The following RIMS1 variants were observed in gnomAD, a reference collection of about 807,000 sequenced individuals.
RIMS1 encodes regulating synaptic membrane exocytosis 1.
In RIMS1, 83 loss-of-function variants were observed where a neutral mutation model predicts 214.1. The observed-to-expected ratio is 0.39, with a 90% CI of 0.32 to 0.47. RIMS1 has a LOEUF of 0.47. Ranked by LOEUF, RIMS1 falls within the 20% of genes least tolerant of loss-of-function variation. The pLI is 0.99. For synonymous variants in RIMS1, 793 were observed against 786.8 expected, an observed-to-expected ratio of 1.01 and a Z score of -0.13; for missense variants, 2,050 against 2,161.8, an observed-to-expected ratio of 0.95 and a Z score of 1.03.
intron 29 of RIMS1, among the ~76,000 whole-genome samples, chr6:72,364,419 G>T (rs542757830): frequency 5.3e-5 from 8 of 152,138 alleles, no homozygotes; most frequent in Non-Finnish European, 8.8e-5. Flanking sequence ...TGCAGTCCCC[G>T]CATGCTACCT....
intron 1 of RIMS1, among the ~76,000 whole-genome samples, chr6:71,951,372 G>A (rs1789454128): frequency 2.0e-5 from 3 of 151,874 alleles, no homozygotes; most frequent in African/African-American, 4.8e-5. Flanking sequence ...TAATAATGAC[G>A]ACATTCACTC....
intron 4 of RIMS1, 97 bp downstream of exon 4, chr6:72,100,083 C>T (rs144273575): frequency 1.6e-5 from 16 of 969,996 alleles, no homozygotes; most frequent in Non-Finnish European, 2.2e-5. Flanking sequence ...AACTATATTT[C>T]ACAAGAAATT....
At chr6:72,317,978 C>T (rs2095905056) in intron 28 of RIMS1, among the ~76,000 whole-genome samples, 1 of 152,054 alleles carries the variant, frequency 6.6e-6, no homozygotes. Context: ...TGTAATAAAT[C>T]TCTTTATTCC....
chr6:72,305,012 T>C (rs138483774), intron 26 of RIMS1, among the ~76,000 whole-genome samples: 136 of 152,068 alleles, frequency 8.9e-4, no homozygotes, highest in African/African-American at 3.1e-3. Flanking sequence ...TGGGAGTAAA[T>C]ATAGTATAGT....
chr6:72,181,799 G>A (rs1588663093), intron 5 of RIMS1, among the ~76,000 whole-genome samples: 2 of 152,114 alleles, frequency 1.3e-5, no homozygotes, highest in African/African-American at 4.8e-5. Context: ...GTACTGTCAA[G>A]GAGTTAGAAA....
intron 3 of RIMS1, among the ~76,000 whole-genome samples, chr6:72,098,218 A>G (rs1440042531): frequency 1.3e-5 from 2 of 152,136 alleles, no homozygotes; most frequent in Non-Finnish European, 2.9e-5. Context: ...TTAGTAGTCT[A>G]GTTGAGTTAC....
At chr6:72,258,040 C>G in intron 16 of RIMS1, 85 bp from the exon 17 acceptor site, 1 of 1,250,844 alleles carries the variant, frequency 8.0e-7, no homozygotes. Context: ...TCAATGGCTG[C>G]TTTAGAATAA....
At position 71,992,414 on chromosome 6, in the gene RIMS1, C is replaced by CT. The variant is rs934351955; in HGVS notation, c.245+23354dup. ...TTTCTTTCTCTCTCTCTCTTTCTTT[C>CT]TTTCTTTCTTTCTTTCTTTCTTTCT... is the stretch of plus-strand genomic sequence containing the variant. On this transcript the variant is annotated intron_variant, in intron 2 of 33. Transcript: ENST00000521978. Among the ~76,000 whole-genome samples the CT allele has an allele frequency of 6.9e-5, 5 of 72,552 alleles. No homozygotes were observed. In the Admixed American group the frequency reaches 8.0e-4, roughly 12 times the overall value. 47.6% of individuals were successfully genotyped at this position (72,552 alleles called of 152,430 possible). A position where few individuals can be genotyped will look rare whatever the true frequency, so the allele number is the denominator to read the frequency against.
chr6:72,170,430 G>A (rs534002389), intron 4 of RIMS1, among the ~76,000 whole-genome samples: 60 of 152,010 alleles, frequency 3.9e-4, no homozygotes, highest in Non-Finnish European at 7.4e-4. Flanking sequence ...TGCAACCTCT[G>A]CCTCCCAGGT....
At chr6:72,011,571 A>G (rs1329551963) in intron 2 of RIMS1, among the ~76,000 whole-genome samples, 1 of 152,174 alleles carries the variant, frequency 6.6e-6, no homozygotes, top group Non-Finnish European at 1.5e-5. Flanking sequence ...AATTTTTGCA[A>G]TCTACTCATC....
intron 6 of RIMS1, among the ~76,000 whole-genome samples, chr6:72,185,000 A>G (rs919638593): frequency 1.3e-5 from 2 of 152,226 alleles, no homozygotes; most frequent in African/African-American, 2.4e-5. Context: ...GACTAGATAC[A>G]TGGATGTTTT....
intron 21 of RIMS1, 149 bp downstream of exon 21, chr6:72,265,652 G>GT: frequency 1.8e-6 from 1 of 559,858 alleles, no homozygotes; most frequent in Non-Finnish European, 3.1e-6. Context: ...TAGGCATTTT[G>GT]TTTTAGTGCT....
chr6:72,262,782 G>A, intron 19 of RIMS1: 13 of 759,156 alleles, frequency 1.7e-5, no homozygotes, highest in Non-Finnish European at 2.1e-5. Flanking sequence ...ACTATCCATG[G>A]CTAAAATCTA....
chr6:72,185,890 A>G (rs918849261), intron 6 of RIMS1, among the ~76,000 whole-genome samples: 3 of 152,172 alleles, frequency 2.0e-5, no homozygotes, highest in African/African-American at 4.8e-5. Context: ...CTTCTCCTCA[A>G]TGTGAAGACG....
intron 1 of RIMS1, among the ~76,000 whole-genome samples, chr6:71,898,455 G>A (rs1191060966): frequency 6.6e-6 from 1 of 151,916 alleles, no homozygotes; most frequent in South Asian, 2.1e-4. Context: ...ATACATAATA[G>A]GCCTCCATCA....
chr6:72,290,197 A>G (rs2093138230), intron 24 of RIMS1, among the ~76,000 whole-genome samples: 1 of 152,202 alleles, frequency 6.6e-6, no homozygotes, highest in Admixed American at 6.5e-5. Flanking sequence ...CTTGCTTATT[A>G]CAGAGTAAAA....
chr6:72,213,142 A>C (rs1439463536), intron 6 of RIMS1: 3 of 1,536,914 alleles, frequency 2.0e-6, no homozygotes, highest in South Asian at 1.2e-5. Flanking sequence ...CCTGGGATTC[A>C]TGTCTCTTCA....
chr6:72,030,593 A>G (rs1487330973), intron 2 of RIMS1, among the ~76,000 whole-genome samples: 4 of 152,166 alleles, frequency 2.6e-5, no homozygotes, highest in Non-Finnish European at 5.9e-5. Flanking sequence ...TTTAAAAGAT[A>G]CACTACACAA....
At chr6:72,386,647 GCTCTACCTCATCACT>G (rs1213110654) in intron 29 of RIMS1, among the ~76,000 whole-genome samples, 4 of 151,044 alleles carry the variant, frequency 2.6e-5, no homozygotes, top group African/African-American at 9.8e-5. Flanking sequence ...AATAATTCCC[GCTCTACCTCATCACT>G]CTCTACCCCT....
Sources: allele counts gnomAD v4.1 joint callset (sites outside exome capture counted in the v4.1 genomes callset), GRCh38; gene constraint gnomAD v4.1.1; transcripts MANE v1.5; gene names NCBI Gene and HGNC (gene_info 2026-07-23, HGNC 2026-07-21).